The following ZNRF3 variants were observed in gnomAD, a reference collection of about 807,000 sequenced individuals.
ZNRF3 encodes E3 ubiquitin-protein ligase ZNRF3.
In ZNRF3, 23 loss-of-function variants were observed where a neutral mutation model predicts 72.5. The observed-to-expected ratio is 0.32, with a 90% confidence interval of 0.23 to 0.45. ZNRF3 has a LOEUF of 0.45. Ranked by LOEUF, ZNRF3 falls within the 20% of genes least tolerant of loss-of-function variation. ZNRF3 has a pLI of 1.00. For missense variants in ZNRF3, 1,169 were observed against 1,272.1 expected (o/e 0.92, Z 1.23); for synonymous variants, 610 against 545.3 (o/e 1.12, Z -1.65).
intron 2 of ZNRF3, among the ~76,000 whole-genome samples, chr22:29,031,897 C>T (rs1221891858): frequency 1.3e-5 from 2 of 152,234 alleles, no homozygotes; most frequent in Admixed American, 6.5e-5. Flanking sequence ...GTTCCAGGCT[C>T]CGGCTTTAGA....
At chr22:28,997,808 C>A (rs2036069815) in intron 2 of ZNRF3, among the ~76,000 whole-genome samples, 1 of 151,778 alleles carries the variant, frequency 6.6e-6, no homozygotes. Flanking sequence ...GAGTTCCAGA[C>A]CAGCCTGGGC....
intron 1 of ZNRF3, among the ~76,000 whole-genome samples, chr22:28,949,458 T>A (rs931006082): frequency 1.3e-5 from 2 of 152,084 alleles, no homozygotes; most frequent in Admixed American, 6.6e-5. Context: ...TATTTTTTTT[T>A]TATACTGATG....
intron 1 of ZNRF3, among the ~76,000 whole-genome samples, chr22:28,954,167 G>A (rs1039543006): frequency 6.6e-6 from 1 of 152,266 alleles, no homozygotes; most frequent in South Asian, 2.1e-4. Context: ...GTCAGCACAG[G>A]CTGCTGTAAC....
In ZNRF3 at chr22:29,050,083, G is replaced by C. The variant is rs575108719; in HGVS notation, c.1902G>C (p.Pro634=). The change falls in exon 8 of 9, where the codon CCG becomes CCC. Residue 634 remains proline (P), a synonymous_variant. Coordinates refer to ENST00000544604, the MANE Select transcript of ZNRF3 (RefSeq NM_001206998.2). Reference sequence around the variant, plus strand: ...GCTCCCCGCCTCCCGAGGAGCTCCCGGCGGTGCACAGTCATGGTGCTGGGC... The same window carrying C: ...GCTCCCCGCCTCCCGAGGAGCTCCCCGCGGTGCACAGTCATGGTGCTGGGC... ...FEGSPPPEEL[P]AVHSHGAGRG... 9 of 1,607,834 alleles carry C rather than the reference G, an allele frequency of 5.6e-6. No homozygotes were observed. Among genetic ancestry groups the C allele is most frequent in the Non-Finnish European group, 7.6e-6 (9 of 1,178,490 alleles).
chr22:28,999,069 A>G (rs1490725336), intron 2 of ZNRF3, among the ~76,000 whole-genome samples: 2 of 151,746 alleles, frequency 1.3e-5, no homozygotes, highest in Non-Finnish European at 2.9e-5. Flanking sequence ...TGTAATCCCA[A>G]CACTTTGAGA....
intron 1 of ZNRF3, among the ~76,000 whole-genome samples, chr22:28,887,955 T>C (rs559702979): frequency 2.7e-5 from 4 of 148,938 alleles, no homozygotes; most frequent in African/African-American, 7.7e-5. Context: ...TGTTTTAAAG[T>C]CGAAATGCAT....
At chr22:28,953,884 G>A (rs1421018878) in intron 1 of ZNRF3, among the ~76,000 whole-genome samples, 1 of 152,168 alleles carries the variant, frequency 6.6e-6, no homozygotes, top group Non-Finnish European at 1.5e-5. Context: ...CTTGTGCTAG[G>A]CTGGAATTTT....
At chr22:28,991,513 T>G (rs1285923663) in intron 2 of ZNRF3, among the ~76,000 whole-genome samples, 1 of 151,904 alleles carries the variant, frequency 6.6e-6, no homozygotes, top group Non-Finnish European at 1.5e-5. Flanking sequence ...CCTGTGTCAT[T>G]GTAGTGGGGG....
At chr22:29,000,587 T>G (rs979032556) in intron 2 of ZNRF3, among the ~76,000 whole-genome samples, 5 of 152,244 alleles carry the variant, frequency 3.3e-5, no homozygotes, top group Non-Finnish European at 7.3e-5. Flanking sequence ...TAGCATCAAC[T>G]TAATCTTACT....
At chr22:28,955,890 G>C (rs1408866429) in intron 1 of ZNRF3, among the ~76,000 whole-genome samples, 3 of 152,102 alleles carry the variant, frequency 2.0e-5, no homozygotes, top group African/African-American at 7.2e-5. Flanking sequence ...CTGTACTCTG[G>C]CCTAGATGAC....
intron 8 of ZNRF3, among the ~76,000 whole-genome samples, 191 bp downstream of exon 8, chr22:29,051,139 T>C (rs1175555768): frequency 6.6e-6 from 1 of 152,186 alleles, no homozygotes; most frequent in East Asian, 1.9e-4. Context: ...AGCCCTCTGC[T>C]TCCATGATCT....
At chr22:28,935,109 G>A (rs2034796362) in intron 1 of ZNRF3, among the ~76,000 whole-genome samples, 1 of 152,184 alleles carries the variant, frequency 6.6e-6, no homozygotes, top group Non-Finnish European at 1.5e-5. Context: ...TTTTCTTCTG[G>A]AAGCTTCAGG....
intron 1 of ZNRF3, among the ~76,000 whole-genome samples, chr22:28,948,064 C>G (rs971383148): frequency 4.6e-5 from 7 of 152,038 alleles, no homozygotes; most frequent in African/African-American, 1.7e-4. Context: ...AGGATGGTCT[C>G]AATCTCTTGA....
intron 1 of ZNRF3, among the ~76,000 whole-genome samples, chr22:28,934,431 A>G (rs758958040): frequency 1.3e-5 from 2 of 152,190 alleles, no homozygotes; most frequent in South Asian, 2.1e-4. Context: ...TTAAAGAATT[A>G]CCCCTGTTTC....
chr22:29,017,384 T>C (rs569986994), intron 2 of ZNRF3, among the ~76,000 whole-genome samples: 9 of 152,308 alleles, frequency 5.9e-5, no homozygotes, highest in African/African-American at 2.2e-4. Flanking sequence ...AGCACATCCA[T>C]TGCCGTAAAT....
chr22:29,050,071 C>T lies in ZNRF3; in HGVS notation c.1890C>T (p.Pro630=), dbSNP rs200059655. The part of the protein sequence containing the change: ...PALCFEGSPP[P]EELPAVHSHG... ...TGTGCTTCGAGGGCTCCCCGCCTCC[C>T]GAGGAGCTCCCGGCGGTGCACAGTC... The change falls in exon 8 of 9, where the codon CCC becomes CCT. Residue 630 remains proline (P), a synonymous_variant. Coordinates refer to ENST00000544604, the MANE Select transcript of ZNRF3 (RefSeq NM_001206998.2). The T allele has an allele frequency of 2.9e-5, 47 of 1,607,324 alleles. No individual in the cohort carries two copies. The African/African-American group carries it at 3.5e-4, about 12-fold the overall frequency.
chr22:28,955,914 G>A (rs547525539), intron 1 of ZNRF3, among the ~76,000 whole-genome samples: 1 of 152,226 alleles, frequency 6.6e-6, no homozygotes, highest in East Asian at 1.9e-4. Flanking sequence ...GTGAGACCTT[G>A]TCTCAAAAGA....
intron 1 of ZNRF3, among the ~76,000 whole-genome samples, chr22:28,949,167 C>T (rs962316262): frequency 1.3e-5 from 2 of 152,066 alleles, no homozygotes; most frequent in African/African-American, 2.4e-5. Flanking sequence ...TTAGTAGAGA[C>T]GGGTTTCACC....
intron 1 of ZNRF3, among the ~76,000 whole-genome samples, chr22:28,896,407 A>G (rs1457012092): frequency 6.6e-6 from 1 of 152,140 alleles, no homozygotes; most frequent in Non-Finnish European, 1.5e-5. Context: ...TGCTGGGCTT[A>G]CAGGTGTGAG....
Sources: gnomAD v4.1 joint callset for allele counts (sites outside exome capture counted in the v4.1 genomes callset) on GRCh38, gnomAD v4.1.1 for gene constraint, MANE v1.5 for transcripts, NCBI Gene and HGNC (gene_info 2026-07-23, HGNC 2026-07-21) for gene names.